PRORP: variants seen among roughly 807,000 people sequenced by gnomAD.
The protein encoded by PRORP is protein only RNase P catalytic subunit.
PRORP carries 51 observed loss-of-function variants against 59.4 expected under a neutral mutation model. That is an observed-to-expected ratio of 0.86 (90% CI 0.69 to 1.08). The LOEUF (loss-of-function observed/expected upper bound fraction) is 1.08. Ranked by LOEUF, PRORP falls within the 50% of genes least tolerant of loss-of-function variation. PRORP has a pLI of 0.00. For synonymous variants in PRORP, 231 were observed against 245.6 expected (o/e 0.94, Z 0.55); for missense variants, 646 against 690.3 (o/e 0.94, Z 0.72).
chr14:35,136,041 G>C (rs2047364393), intron 4 of PRORP, among the ~76,000 whole-genome samples: 1 of 152,156 alleles, frequency 6.6e-6, no homozygotes, highest in African/African-American at 2.4e-5. Flanking sequence ...TTGGAAAAAG[G>C]AGTTGAAAAG....
chr14:35,270,612 CT>C lies in PRORP; in HGVS notation c.1620+19del. 6.2e-7 allele frequency: 1 copy of C among 1,600,600 alleles called. No homozygotes were observed. The highest frequency in any genetic ancestry group is 8.6e-7 in the Non-Finnish European group (1 of 1,168,002). On this transcript the variant is annotated intron_variant, in intron 7 of 7. Coordinates refer to ENST00000534898, the MANE Select transcript of PRORP (RefSeq NM_014672.4). ...AACCTTTCAGGTAATGGTACCTGTT[CT>C]TTATGTAATATTAACAGAGTCAAGT...
chr14:35,141,624 GATA>G (rs10546203), intron 4 of PRORP, among the ~76,000 whole-genome samples: 11,042 of 144,976 alleles, frequency 0.076, 1,617 homozygotes, highest in African/African-American at 0.25. Flanking sequence ...CAACTACAAA[GATA>G]ATAATTCTTT....
intron 4 of PRORP, among the ~76,000 whole-genome samples, chr14:35,165,624 C>T (rs367869734): frequency 2.3e-5 from 3 of 129,756 alleles, no homozygotes; most frequent in African/African-American, 6.0e-5. Context: ...TGTGAGGAGA[C>T]GATTAGGTGA....
intron 6 of PRORP, among the ~76,000 whole-genome samples, chr14:35,267,554 C>A (rs1053322798): frequency 2.6e-4 from 39 of 152,194 alleles, no homozygotes; most frequent in African/African-American, 9.2e-4. Context: ...GAGGCCGAGG[C>A]GGGCAGATCA....
chr14:35,270,361 C>T, intron 6 of PRORP, 40 bp from the exon 7 acceptor site: 1 of 1,584,970 alleles, frequency 6.3e-7, no homozygotes, highest in East Asian at 2.2e-5. Context: ...TCTGCCTCTT[C>T]AGCTGTGCTT....
intron 5 of PRORP, among the ~76,000 whole-genome samples, chr14:35,249,289 A>G (rs10137501): frequency 9.6e-4 from 146 of 152,226 alleles, no homozygotes; most frequent in African/African-American, 3.4e-3. Context: ...ATCACATAAA[A>G]AGTGAAGATG....
intron 4 of PRORP, among the ~76,000 whole-genome samples, chr14:35,175,313 G>A (rs1010281455): frequency 6.6e-6 from 1 of 152,008 alleles, no homozygotes; most frequent in Non-Finnish European, 1.5e-5. Context: ...CTGAGGAATC[G>A]CCACACTGTC....
chr14:35,171,491 T>C (rs1266080018), intron 4 of PRORP, among the ~76,000 whole-genome samples: 1 of 152,232 alleles, frequency 6.6e-6, no homozygotes, highest in Non-Finnish European at 1.5e-5. Flanking sequence ...GGCCCCATTG[T>C]GTCTGATGAG....
chr14:35,137,299 G>A (rs1156263019), intron 4 of PRORP, among the ~76,000 whole-genome samples: 1 of 145,398 alleles, frequency 6.9e-6, no homozygotes, highest in Non-Finnish European at 1.5e-5. Flanking sequence ...TACAGGATAT[G>A]TAGGAGAGAA....
chr14:35,155,968 A>T (rs185494855), intron 4 of PRORP, among the ~76,000 whole-genome samples: 115 of 152,314 alleles, frequency 7.6e-4, no homozygotes, highest in African/African-American at 2.7e-3. Context: ...ACTGTACTGC[A>T]TTGTTTTTGC....
chr14:35,225,868 G>A (rs927604245), intron 5 of PRORP, among the ~76,000 whole-genome samples: 3 of 151,928 alleles, frequency 2.0e-5, no homozygotes, highest in South Asian at 2.1e-4. Context: ...GCAACATAAC[G>A]AAACCCCATC....
intron 5 of PRORP, among the ~76,000 whole-genome samples, chr14:35,239,420 A>G (rs1352139108): frequency 1.3e-5 from 2 of 152,042 alleles, no homozygotes; most frequent in Non-Finnish European, 2.9e-5. Flanking sequence ...CTGCTTCCCT[A>G]AAAACAAACA....
intron 5 of PRORP, among the ~76,000 whole-genome samples, chr14:35,263,308 T>C (rs2050952787): frequency 6.6e-6 from 1 of 152,208 alleles, no homozygotes; most frequent in Non-Finnish European, 1.5e-5. Flanking sequence ...TCAGAAAATA[T>C]TTATTAACGA....
chr14:35,247,400 C>T (rs1239204004), intron 5 of PRORP, among the ~76,000 whole-genome samples: 1 of 152,020 alleles, frequency 6.6e-6, no homozygotes, highest in African/African-American at 2.4e-5. Context: ...TTATATATTT[C>T]GAACAGACAG....
At chr14:35,127,401 T>C (rs370473221) in intron 3 of PRORP, 78 bp from the exon 4 acceptor site, 1 of 695,888 alleles carries the variant, frequency 1.4e-6, no homozygotes, top group Non-Finnish European at 2.0e-6. Flanking sequence ...ATTTCCTCAT[T>C]GTTCATTTCA....
chr14:35,252,954 A>G lies in PRORP; in HGVS notation c.1276-13773A>G, dbSNP rs1179522595. 2.6e-5 allele frequency among the ~76,000 whole-genome samples: 4 copies of G among 152,112 alleles called. No individual in the cohort carries two copies. The East Asian group carries it at 7.7e-4, about 29-fold the overall frequency. On this transcript the variant is annotated intron_variant, in intron 5 of 7. Coordinates refer to ENST00000534898, the MANE Select transcript of PRORP (RefSeq NM_014672.4). Reference sequence around the variant, plus strand: ...GAACCTTGTTTTCCTTTCTGTGCCCATATCTTCAGCCTCTACCTTGCTACT... The same window carrying G: ...GAACCTTGTTTTCCTTTCTGTGCCCGTATCTTCAGCCTCTACCTTGCTACT...
At chr14:35,172,468 C>CTTTCTTTCTTT (rs2048342014) in intron 4 of PRORP, among the ~76,000 whole-genome samples, 2 of 130,254 alleles carry the variant, frequency 1.5e-5, no homozygotes, top group African/African-American at 5.6e-5. Flanking sequence ...TTCTTTCTTT[C>CTTTCTTTCTTT]CCCTCTTTCC....
intron 4 of PRORP, among the ~76,000 whole-genome samples, chr14:35,178,555 G>A (rs1021527808): frequency 6.6e-6 from 1 of 152,102 alleles, no homozygotes; most frequent in Admixed American, 6.6e-5. Context: ...TCAGAGACTA[G>A]GATTGCAACC....
At chr14:35,157,480 T>C (rs2047945023) in intron 4 of PRORP, among the ~76,000 whole-genome samples, 1 of 152,204 alleles carries the variant, frequency 6.6e-6, no homozygotes, top group Non-Finnish European at 1.5e-5. Context: ...ACAGCATTCA[T>C]TGTTCCTGTA....
Sources: gnomAD v4.1 joint callset for allele counts (sites outside exome capture counted in the v4.1 genomes callset) on GRCh38, gnomAD v4.1.1 for gene constraint, MANE v1.5 for transcripts, NCBI Gene and HGNC (gene_info 2026-07-23, HGNC 2026-07-21) for gene names.